The following MS4A6E variants were observed in gnomAD, a reference collection of about 807,000 sequenced individuals.
MS4A6E encodes membrane-spanning 4-domains subfamily A member 6E.
In MS4A6E, 8 loss-of-function variants were observed where a neutral mutation model predicts 13.2. That is an observed-to-expected ratio of 0.60 (90% confidence interval 0.35 to 1.09). MS4A6E has a LOEUF of 1.09. Among genes scored for constraint, MS4A6E ranks in the 50% least tolerant of loss-of-function variants. The pLI is 0.02. For missense variants in MS4A6E, 177 were observed against 171.1 expected (o/e 1.03, Z -0.19); for synonymous variants, 72 against 67.6 (o/e 1.06, Z -0.32).
intron 2 of MS4A6E, among the ~76,000 whole-genome samples, chr11:60,336,118 G>C (rs571760439): frequency 6.6e-6 from 1 of 152,166 alleles, no homozygotes; most frequent in African/African-American, 2.4e-5. Flanking sequence ...GGTATTTAGA[G>C]ATTATTGTTT....
At chr11:60,338,002 A>G in intron 3 of MS4A6E, 55 bp downstream of exon 3, 4 of 1,527,834 alleles carry the variant, frequency 2.6e-6, no homozygotes, top group Non-Finnish European at 3.6e-6. Context: ...GAAAGCCTTG[A>G]TTTCTTATTA....
chr11:60,340,132 T>C lies in MS4A6E; in HGVS notation c.*9+168T>C, dbSNP rs370409559. ...GACCGAGAAGAAAAGCAGATGGTAA[T>C]TGAGTAGCTGACAAGCTGAGAGTTC... On this transcript the variant is annotated intron_variant, in intron 4 of 4. Transcript: ENST00000684409. Among the ~76,000 whole-genome samples, 13 of 152,322 alleles carry C rather than the reference T, an allele frequency of 8.5e-5. No individual in the cohort carries two copies. In the South Asian group the frequency reaches 2.7e-3, roughly 32 times the overall value.
At chr11:60,345,922 G>T (rs1217566519), downstream of MS4A6E, among the ~76,000 whole-genome samples, 9 of 152,194 alleles carry the variant, frequency 5.9e-5, no homozygotes, top group African/African-American at 2.2e-4. Flanking sequence ...TTCATGCTAT[G>T]GGAAGAGGGG....
At chr11:60,346,134 C>A (rs1408443775), downstream of MS4A6E, among the ~76,000 whole-genome samples, 3 of 152,200 alleles carry the variant, frequency 2.0e-5, no homozygotes, top group Non-Finnish European at 2.9e-5. Context: ...TGACTTCTGT[C>A]TCTGGGAGCA....
chr11:60,341,463 A>G (rs2085225396), downstream of MS4A6E, among the ~76,000 whole-genome samples: 1 of 152,194 alleles, frequency 6.6e-6, no homozygotes, highest in Admixed American at 6.5e-5. Context: ...TAACGAGTGA[A>G]CAAATGCTAA....
downstream of MS4A6E, among the ~76,000 whole-genome samples, chr11:60,344,699 A>G (rs1191526596): frequency 2.0e-5 from 3 of 151,974 alleles, no homozygotes; most frequent in East Asian, 1.9e-4. Flanking sequence ...TTCTTTATGG[A>G]ACCTTCCCAG....
At chr11:60,340,667 T>C (rs2085218262) in intron 4 of MS4A6E, 109 bp from the exon 5 acceptor site, 1 of 155,412 alleles carries the variant, frequency 6.4e-6, no homozygotes. Flanking sequence ...AAGAATTCTA[T>C]GTATACAGTT....
chr11:60,339,356 T>C (rs895675652), intron 3 of MS4A6E, among the ~76,000 whole-genome samples: 2 of 152,180 alleles, frequency 1.3e-5, no homozygotes, highest in African/African-American at 4.8e-5. Flanking sequence ...CAATACTGAA[T>C]TTTACAAAGG....
intron 1 of MS4A6E, among the ~76,000 whole-genome samples, chr11:60,332,523 ACTCT>A (rs1389670016): frequency 2.6e-5 from 4 of 151,784 alleles, no homozygotes; most frequent in Non-Finnish European, 5.9e-5. Flanking sequence ...CCACTCTCCA[ACTCT>A]CTCCTTCACG....
intron 1 of MS4A6E, among the ~76,000 whole-genome samples, chr11:60,328,681 T>A (rs1192601923): frequency 6.6e-6 from 1 of 152,144 alleles, no homozygotes; most frequent in African/African-American, 2.4e-5. Flanking sequence ...CTCATTTATA[T>A]GTGGAATCTA....
chr11:60,336,485 G>A (rs139778007), intron 2 of MS4A6E, among the ~76,000 whole-genome samples: 4 of 152,296 alleles, frequency 2.6e-5, no homozygotes, highest in East Asian at 1.9e-4. Context: ...ATGTGGTCTC[G>A]GGGTGGGCTC....
downstream of MS4A6E, among the ~76,000 whole-genome samples, chr11:60,344,898 GTTTGTTTGTTTTGTTTTT>G (rs1182033743): frequency 2.1e-5 from 2 of 93,680 alleles, no homozygotes; most frequent in African/African-American, 7.0e-5. Flanking sequence ...GGTGGTTTTT[GTTTGTTTGTTTTGTTTTT>G]TTTGTTTGTT....
At chr11:60,339,985 C>T (rs1449735027) in intron 4 of MS4A6E, 21 bp downstream of exon 4, 9 of 1,610,752 alleles carry the variant, frequency 5.6e-6, no homozygotes, top group Admixed American at 5.0e-5. Context: ...TGGCCAGCCT[C>T]GCTTAATCTT....
rs761177200 is a variant in MS4A6E at position 60,339,917 on chromosome 11, G to T, written c.406G>T (p.Val136Leu). The change falls in exon 4 of 5, where the codon GTG becomes TTG. Residue 136 changes from valine to leucine, a missense_variant. By Grantham distance (32) the Val-to-Leu change is conservative (BLOSUM62 1). Transcript: ENST00000684409. ...VSTVLEFCLA[V>L]LTAVLQWKQT... Reference sequence around the variant, plus strand: ...TACTGTGTTGGAGTTCTGCCTAGCTGTGCTCACTGCTGTGCTGCAGTGGAA... The same window carrying T: ...TACTGTGTTGGAGTTCTGCCTAGCTTTGCTCACTGCTGTGCTGCAGTGGAA... 6.2e-7 allele frequency: 1 copy of T among 1,613,916 alleles called. No homozygotes were observed. Among genetic ancestry groups the T allele is most frequent in the South Asian group, 1.1e-5 (1 of 91,080 alleles).
chr11:60,332,815 G>A (rs1158999423), intron 1 of MS4A6E, among the ~76,000 whole-genome samples: 1 of 152,184 alleles, frequency 6.6e-6, no homozygotes, highest in Non-Finnish European at 1.5e-5. Context: ...GACACAAAGA[G>A]AAAGCAATTG....
At chr11:60,329,977 C>A (rs930983182) in intron 1 of MS4A6E, among the ~76,000 whole-genome samples, 1 of 150,796 alleles carries the variant, frequency 6.6e-6, no homozygotes, top group Non-Finnish European at 1.5e-5. Context: ...AGGTGCATAC[C>A]AGCACACCTG....
intron 4 of MS4A6E, among the ~76,000 whole-genome samples, chr11:60,340,389 A>T (rs1218853311): frequency 2.0e-5 from 3 of 152,174 alleles, no homozygotes; most frequent in Non-Finnish European, 1.5e-5. Flanking sequence ...GCCTTTACAC[A>T]TGTGACTGGA....
chr11:60,331,156 T>C (rs2085153563), intron 1 of MS4A6E, among the ~76,000 whole-genome samples: 4 of 152,230 alleles, frequency 2.6e-5, no homozygotes, highest in Non-Finnish European at 5.9e-5. Context: ...TGATACTTAA[T>C]GTCTAAATAC....
chr11:60,340,422 G>A (rs1328077803), intron 4 of MS4A6E, among the ~76,000 whole-genome samples: 2 of 152,176 alleles, frequency 1.3e-5, no homozygotes, highest in African/African-American at 4.8e-5. Flanking sequence ...CTTATGCTCT[G>A]CTTTTCCTCC....
Sources: gnomAD v4.1 joint callset for allele counts (sites outside exome capture counted in the v4.1 genomes callset) on GRCh38, gnomAD v4.1.1 for gene constraint, MANE v1.5 for transcripts, NCBI Gene and HGNC (gene_info 2026-07-23, HGNC 2026-07-21) for gene names.